TCAIM: variants seen among roughly 807,000 people sequenced by gnomAD.
The protein encoded by TCAIM is T-cell activation inhibitor, mitochondrial.
TCAIM carries 36 observed loss-of-function variants against 58.6 expected under a neutral mutation model. The observed-to-expected ratio is 0.61, with a 90% CI of 0.47 to 0.81. TCAIM has a LOEUF of 0.81. Among genes scored for constraint, TCAIM ranks in the 30% least tolerant of loss-of-function variants. The probability of loss-of-function intolerance (pLI) is 0.00; values close to 1 mark genes in which losing one functional copy is unlikely to be tolerated. For missense variants in TCAIM, 466 were observed against 579.6 expected, an observed-to-expected ratio of 0.80 and a Z score of 2.01; for synonymous variants, 172 against 193.6, an observed-to-expected ratio of 0.89 and a Z score of 0.93.
At position 44,407,670 on chromosome 3, in the gene TCAIM, A is replaced by G; in HGVS notation, c.1479A>G (p.Glu493=). ...TTCCTTGGAATTGGAAGAATGGAGA[A>G]GCCATTAAGTAACACAGAAATCTGT... ...LCIPWNWKNG[E]AIK Residue 493 remains glutamate (E), a synonymous_variant, in exon 11 of 11, where the codon GAA becomes GAG. Coordinates refer to ENST00000342649, the MANE Select transcript of TCAIM (RefSeq NM_173826.4). 1 of 1,598,532 alleles carries G rather than the reference A, an allele frequency of 6.3e-7. No homozygotes were observed. The highest frequency in any genetic ancestry group is 2.2e-5 in the East Asian group (1 of 44,688).
chr3:44,366,291 CTTT>C (rs781064809), intron 4 of TCAIM, among the ~76,000 whole-genome samples: 1 of 144,346 alleles, frequency 6.9e-6, no homozygotes. Flanking sequence ...AAATCAGTAA[CTTT>C]TTTTTTTTTT....
In TCAIM at chr3:44,361,363, A is replaced by G. The variant is rs1366380513; in HGVS notation, c.166-2A>G. 11 of 1,586,656 alleles carry G rather than the reference A, an allele frequency of 6.9e-6. No homozygotes were observed. The highest frequency in any genetic ancestry group is 9.4e-6 in the Non-Finnish European group (11 of 1,171,718). Reference sequence around the variant, plus strand: ...GTAAATGCCCTTAATGTTTTTTTCCAGGAAATCAATGAAAATTCTCTTAAA... The same window carrying G: ...GTAAATGCCCTTAATGTTTTTTTCCGGGAAATCAATGAAAATTCTCTTAAA... On this transcript the variant is annotated splice_acceptor_variant, in intron 3 of 10. Coordinates refer to ENST00000342649, the MANE Select transcript of TCAIM (RefSeq NM_173826.4). LOFTEE classifies it high-confidence loss of function.
intron 1 of TCAIM, among the ~76,000 whole-genome samples, chr3:44,349,620 C>G (rs926346901): frequency 5.9e-5 from 9 of 152,074 alleles, no homozygotes; most frequent in Admixed American, 2.0e-4. Flanking sequence ...TGATAACACA[C>G]CTCTGAAATG....
chr3:44,375,535 G>T (rs4682972), intron 5 of TCAIM, among the ~76,000 whole-genome samples: 1 of 152,032 alleles, frequency 6.6e-6, no homozygotes. Flanking sequence ...CTGCCTCCAT[G>T]ACCCAAAACT....
chr3:44,356,242 T>A (rs941015089), intron 2 of TCAIM, among the ~76,000 whole-genome samples: 1 of 152,238 alleles, frequency 6.6e-6, no homozygotes, highest in Admixed American at 6.5e-5. Context: ...AAAGCTTAGG[T>A]TGGGCCAGGC....
intron 5 of TCAIM, among the ~76,000 whole-genome samples, chr3:44,387,081 C>T (rs1195590563): frequency 1.3e-5 from 2 of 152,192 alleles, no homozygotes; most frequent in South Asian, 2.1e-4. Flanking sequence ...CAGCCAGACT[C>T]ATGCTGACAT....
intron 5 of TCAIM, among the ~76,000 whole-genome samples, chr3:44,383,830 A>G (rs1233000069): frequency 2.8e-5 from 4 of 145,068 alleles, no homozygotes; most frequent in Admixed American, 2.8e-4. Context: ...AAAAAAAAAA[A>G]AAAATTTAAA....
intron 9 of TCAIM, chr3:44,400,934 C>T: frequency 2.1e-6 from 1 of 487,720 alleles, no homozygotes; most frequent in Non-Finnish European, 3.7e-6. Context: ...TATATGCATT[C>T]TGTCTTTAGC....
chr3:44,367,780 C>A, intron 5 of TCAIM, 72 bp downstream of exon 5: 3 of 1,378,008 alleles, frequency 2.2e-6, no homozygotes, highest in East Asian at 2.5e-5. Flanking sequence ...ATTGGGATGG[C>A]AAAAACATTT....
At chr3:44,406,540 T>A (rs1702104305) in intron 10 of TCAIM, among the ~76,000 whole-genome samples, 1 of 152,168 alleles carries the variant, frequency 6.6e-6, no homozygotes, top group Admixed American at 6.5e-5. Flanking sequence ...AAGTGATCAG[T>A]ATTATAGGCC....
intron 5 of TCAIM, among the ~76,000 whole-genome samples, chr3:44,373,626 C>T (rs879590105): frequency 1.3e-5 from 2 of 151,704 alleles, no homozygotes; most frequent in Admixed American, 1.3e-4. Flanking sequence ...TGCACTCTAG[C>T]GTGGGTGACA....
At chr3:44,339,641 G>A (rs1211920359) in intron 1 of TCAIM, 3 of 152,124 alleles carry the variant, frequency 2.0e-5, no homozygotes, top group Non-Finnish European at 4.4e-5. Flanking sequence ...ATTTACAATG[G>A]TTTGTAAATA....
chr3:44,383,809 C>T (rs1305874901), intron 5 of TCAIM, among the ~76,000 whole-genome samples: 7 of 95,364 alleles, frequency 7.3e-5, no homozygotes, highest in South Asian at 7.7e-4. Context: ...CCTGTCTCTA[C>T]AAAAAAAAAA....
At position 44,358,560 on chromosome 3, in the gene TCAIM, A is replaced by G. The variant is rs1455645400; in HGVS notation, c.165+684A>G. On this transcript the variant is annotated intron_variant, in intron 3 of 10. Transcript: ENST00000342649. ...CAACTACTTACATAGCACTTACATT[A>G]TATTAGATATTATAAGTAATCTAGA... The G allele has an allele frequency of 1.3e-5, 4 of 311,094 alleles. No homozygotes were observed. In the South Asian group the frequency reaches 2.1e-4, roughly 16 times the overall value. 19.3% of individuals were successfully genotyped at this position (311,094 alleles called of 1,614,324 possible).
rs148957471 is a variant in TCAIM, at chr3:44,345,575, G to A, written c.-45+6741G>A. On this transcript the variant is annotated intron_variant, in intron 1 of 10. Coordinates refer to ENST00000342649, the MANE Select transcript of TCAIM (RefSeq NM_173826.4). ...CTAACGAGTCCTCCACGATTTTGGA[G>A]GAAAGAGAAATACAAAGCCAGCAAT... 1.6e-4 allele frequency among the ~76,000 whole-genome samples: 24 copies of A among 152,254 alleles called. No individual in the cohort carries two copies. The East Asian group carries it at 4.2e-3, about 27-fold the overall frequency.
chr3:44,381,233 A>G (rs892115039), intron 5 of TCAIM, among the ~76,000 whole-genome samples: 2 of 152,122 alleles, frequency 1.3e-5, no homozygotes, highest in African/African-American at 4.8e-5. Context: ...AGAAAAATTA[A>G]TTTAGCAGCA....
intron 8 of TCAIM, among the ~76,000 whole-genome samples, chr3:44,399,323 A>C (rs1280740475): frequency 6.6e-6 from 1 of 152,250 alleles, no homozygotes; most frequent in African/African-American, 2.4e-5. Context: ...CCATATATAC[A>C]TGAGTAACCC....
intron 5 of TCAIM, among the ~76,000 whole-genome samples, chr3:44,376,288 A>T (rs892416620): frequency 3.3e-5 from 5 of 152,248 alleles, no homozygotes; most frequent in Non-Finnish European, 5.9e-5. Flanking sequence ...TGGGTGAGTT[A>T]TATGGTATAT....
At chr3:44,379,508 G>A (rs938126522) in intron 5 of TCAIM, among the ~76,000 whole-genome samples, 2 of 152,198 alleles carry the variant, frequency 1.3e-5, no homozygotes, top group African/African-American at 4.8e-5. Context: ...TAAGGGAAAT[G>A]TGGTACATAT....
Sources: gnomAD v4.1 joint callset for allele counts (sites outside exome capture counted in the v4.1 genomes callset) on GRCh38, gnomAD v4.1.1 for gene constraint, MANE v1.5 for transcripts, NCBI Gene and HGNC (gene_info 2026-07-23, HGNC 2026-07-21) for gene names.